C4orf36: variants seen among roughly 807,000 people sequenced by gnomAD.
C4orf36 encodes chromosome 4 open reading frame 36, also known as uncharacterized protein C4orf36.
In C4orf36, 11 loss-of-function variants were observed where a neutral mutation model predicts 12.2. The ratio of observed to expected loss-of-function variants is 0.90; its 90% CI spans 0.57 to 1.49. C4orf36 has a LOEUF of 1.49. Among genes scored for constraint, C4orf36 ranks in the 40% most tolerant of loss-of-function variants. C4orf36 has a pLI of 0.00. For synonymous variants in C4orf36, 54 were observed against 51.3 expected (o/e 1.05, Z -0.22); for missense variants, 137 against 133.9 (o/e 1.02, Z -0.11).
intron 2 of C4orf36, 70 bp downstream of exon 2, chr4:86,891,386 T>G: frequency 6.9e-7 from 1 of 1,450,540 alleles, no homozygotes; most frequent in Non-Finnish European, 9.6e-7. Context: ...TCCAGTCCTT[T>G]TATTTAACAA....
At chr4:86,882,975 T>G (rs1012165506) in intron 4 of C4orf36, among the ~76,000 whole-genome samples, 1 of 152,198 alleles carries the variant, frequency 6.6e-6, no homozygotes, top group African/African-American at 2.4e-5. Flanking sequence ...CAAACTGATA[T>G]CACCAATAAA....
chr4:86,916,475 C>T, the C4orf36 span, among the ~76,000 whole-genome samples: 1 of 151,368 alleles, frequency 6.6e-6, no homozygotes, highest in Non-Finnish European at 1.5e-5. Flanking sequence ...GACTCAACAA[C>T]AGCTTCTCCT....
chr4:86,900,092 G>A, the C4orf36 span, among the ~76,000 whole-genome samples: 1 of 151,678 alleles, frequency 6.6e-6, no homozygotes, highest in East Asian at 1.9e-4. Flanking sequence ...CTGGAGTGCA[G>A]TGGCACAATT....
chr4:86,913,381 G>T, the C4orf36 span: 1 of 794,196 alleles, frequency 1.3e-6, no homozygotes, highest in Non-Finnish European at 2.2e-6. Context: ...AGAGACTTGA[G>T]TGATGCTATT....
At chr4:86,885,462 T>G (rs1747153719) in intron 4 of C4orf36, among the ~76,000 whole-genome samples, 1 of 152,216 alleles carries the variant, frequency 6.6e-6, no homozygotes, top group South Asian at 2.1e-4. Flanking sequence ...TTGAAGCAAT[T>G]GCGAATGGGA....
At chr4:86,890,196 AGGGAGGGAGGG>A in intron 2 of C4orf36, 2 of 126,052 alleles carry the variant, frequency 1.6e-5, no homozygotes, top group Non-Finnish European at 3.3e-5. Flanking sequence ...GGAGGGAGGG[AGGGAGGGAGGG>A]AGGAAGGAAG....
chr4:86,884,606 TGACA>T (rs1459224830), intron 4 of C4orf36, among the ~76,000 whole-genome samples: 3 of 152,292 alleles, frequency 2.0e-5, no homozygotes, highest in Non-Finnish European at 4.4e-5. Context: ...ACCCCCAGCC[TGACA>T]ATTTTTTTTA....
the C4orf36 span, among the ~76,000 whole-genome samples, chr4:86,911,738 G>T: frequency 6.6e-6 from 1 of 152,104 alleles, no homozygotes; most frequent in African/African-American, 2.4e-5. Context: ...CCAGGCTGGA[G>T]TGCAGTGGCA....
the C4orf36 span, chr4:86,913,501 C>T: frequency 9.9e-6 from 8 of 805,144 alleles, no homozygotes; most frequent in South Asian, 5.8e-5. Flanking sequence ...TGTTTTGGAA[C>T]GTCCAACCTG....
At chr4:86,888,997 A>C (rs1172469025) in intron 2 of C4orf36, among the ~76,000 whole-genome samples, 1 of 152,206 alleles carries the variant, frequency 6.6e-6, no homozygotes, top group Non-Finnish European at 1.5e-5. Flanking sequence ...ACAAGTCATA[A>C]AAATGTATAA....
intron 4 of C4orf36, among the ~76,000 whole-genome samples, chr4:86,880,706 G>A (rs1747032262): frequency 6.6e-6 from 1 of 152,134 alleles, no homozygotes; most frequent in Admixed American, 6.5e-5. Flanking sequence ...TAAAACCATA[G>A]AAAAATATAA....
At chr4:86,887,527 A>C in intron 4 of C4orf36, 2 of 407,230 alleles carry the variant, frequency 4.9e-6, no homozygotes, top group Non-Finnish European at 4.3e-6. Context: ...ACTCAACTCC[A>C]AATGCATTTT....
rs746538668 is a variant in C4orf36 at position 86,892,406 on chromosome 4, C to A, written c.-297G>T. On this transcript the variant is annotated 5_prime_UTR_variant, in exon 1 of 5. Transcript: ENST00000295898. The stretch of plus-strand genomic sequence containing the variant: ...CAGGCACACGCCTCCTTCCCGCTCG[C>A]CGCGGGCGCCGAGTCTGGGGCTCCT... 3 of 985,572 alleles carry A rather than the reference C, an allele frequency of 3.0e-6. No individual in the cohort carries two copies. Among genetic ancestry groups the A allele is most frequent in the Non-Finnish European group, 3.6e-6 (3 of 830,042 alleles). 61.1% of individuals were successfully genotyped at this position (985,572 alleles called of 1,614,324 possible). A position where few individuals can be genotyped will look rare whatever the true frequency, so the allele number is the denominator to read the frequency against.
the C4orf36 span, among the ~76,000 whole-genome samples, chr4:86,919,829 G>A: frequency 6.6e-6 from 1 of 152,116 alleles, no homozygotes; most frequent in African/African-American, 2.4e-5. Flanking sequence ...GAGCCCAGGA[G>A]TTCAAAACAA....
At chr4:86,889,746 T>C (rs772680461) in intron 2 of C4orf36, among the ~76,000 whole-genome samples, 1 of 151,860 alleles carries the variant, frequency 6.6e-6, no homozygotes, top group Non-Finnish European at 1.5e-5. Flanking sequence ...TGAGATCTCA[T>C]CTCCACAAAA....
At position 86,876,284 on chromosome 4, in the gene C4orf36, G is replaced by A. The variant is rs952918357; in HGVS notation, c.*162C>T. ...TCCACTGAAATTAAGAGATTTTCTC[G>A]GTCTCTGGGCGGGCCGTGGGAGGCT... On this transcript the variant is annotated 3_prime_UTR_variant, in exon 5 of 5. Transcript: ENST00000295898. 2.3e-5 allele frequency: 22 copies of A among 951,910 alleles called. No homozygotes were observed. Among genetic ancestry groups the A allele is most frequent in the African/African-American group, 1.7e-4 (10 of 60,140 alleles). 59.0% of individuals were successfully genotyped at this position (951,910 alleles called of 1,614,324 possible).
the C4orf36 span, chr4:86,924,848 A>G: frequency 3.3e-5 from 5 of 152,354 alleles, no homozygotes; most frequent in Non-Finnish European, 7.3e-5. Context: ...TGGGTAACTT[A>G]TTTAAAAAAG....
the C4orf36 span, among the ~76,000 whole-genome samples, chr4:86,907,977 A>C: frequency 6.1e-4 from 93 of 151,482 alleles, no homozygotes; most frequent in African/African-American, 2.2e-3. Flanking sequence ...AAAAAAAGAG[A>C]AAAAAAGAAA....
Position 86,892,362 on chromosome 4 carries a change from A to C in C4orf36, c.-253T>G. ...GCGCTAAGCGCACATGGCCGCGCAC[A>C]CGCCTCGGGGCCGCGCCGCAGGCAC... On this transcript the variant is annotated 5_prime_UTR_variant, in exon 1 of 5. Transcript: ENST00000295898. 8.1e-6 allele frequency: 8 copies of C among 985,338 alleles called. No homozygotes were observed. The highest frequency in any genetic ancestry group is 4.7e-5 in the South Asian group (1 of 21,288). The allele number at this position is 985,338 out of a possible 1,614,324, so 61.0% of individuals were successfully genotyped here. A position where few individuals can be genotyped will look rare whatever the true frequency, so the allele number is the denominator to read the frequency against.
Sources: allele counts gnomAD v4.1 joint callset (sites outside exome capture counted in the v4.1 genomes callset), GRCh38; gene constraint gnomAD v4.1.1; transcripts MANE v1.5; gene names NCBI Gene and HGNC (gene_info 2026-07-23, HGNC 2026-07-21).